KIAA0513: variants seen among roughly 807,000 people sequenced by gnomAD.
KIAA0513 encodes KIAA0513.
In KIAA0513, 39 loss-of-function variants were observed where a neutral mutation model predicts 56.5. The ratio of observed to expected loss-of-function variants is 0.69; its 90% CI spans 0.53 to 0.90. The LOEUF (loss-of-function observed/expected upper bound fraction) is 0.90, where lower values mean the gene tolerates loss of function less well. KIAA0513 is among the 40% of genes least tolerant of loss of function. The pLI is 0.00. For missense variants in KIAA0513, 591 were observed against 535.2 expected, an observed-to-expected ratio of 1.10 and a Z score of -1.03; for synonymous variants, 268 against 215.6, an observed-to-expected ratio of 1.24 and a Z score of -2.13.
intron 1 of KIAA0513, among the ~76,000 whole-genome samples, chr16:85,064,363 A>G (rs988295843): frequency 1.3e-5 from 2 of 152,122 alleles, no homozygotes; most frequent in Non-Finnish European, 2.9e-5. Flanking sequence ...CAGGATTATA[A>G]ATACTGTTGC....
Position 85,087,138 on chromosome 16 carries a change from G to A in KIAA0513, c.1158G>A (p.Lys386=). ...AGCTGTGCAATGACTTCCTGAAGAAGCAGGCTGTGATTGGCAACCTGGATG... is the reference window on the plus strand; with the variant it reads ...AGCTGTGCAATGACTTCCTGAAGAAACAGGCTGTGATTGGCAACCTGGATG... The part of the protein sequence containing the change: ...NKKLCNDFLK[K]QAVIGNLDEE... The change falls in exon 12 of 13, where the codon AAG becomes AAA. Residue 386 remains lysine (K), a synonymous_variant. Transcript: ENST00000683363. 22 of 1,614,190 alleles carry A rather than the reference G, an allele frequency of 1.4e-5. No individual in the cohort carries two copies. Among genetic ancestry groups the A allele is most frequent in the Non-Finnish European group, 1.9e-5 (22 of 1,180,018 alleles).
At chr16:85,050,611 CAGCCG>C (rs1342911382) in intron 1 of KIAA0513, among the ~76,000 whole-genome samples, 17 of 152,180 alleles carry the variant, frequency 1.1e-4, no homozygotes, top group Admixed American at 2.0e-4. Flanking sequence ...CCGCCGTGCC[CAGCCG>C]AGCTGTTGAT....
In KIAA0513 at chr16:85,087,122, A is replaced by G. The variant is rs1226444113; in HGVS notation, c.1142A>G (p.Asn381Ser). The G allele has an allele frequency of 6.2e-7, 1 of 1,614,176 alleles. No homozygotes were observed. The highest frequency in any genetic ancestry group is 1.3e-5 in the African/African-American group (1 of 75,052). The change falls in exon 12 of 13, where the codon AAT becomes AGT. Residue 381 changes from asparagine to serine, a missense_variant. Transcript: ENST00000683363. ...TTTGGACTGAACAAGAAGCTGTGCA[A>G]TGACTTCCTGAAGAAGCAGGCTGTG... ...LAFGLNKKLCNDFLKKQAVIG... is the reference protein window; with the variant it reads ...LAFGLNKKLCSDFLKKQAVIG...
chr16:85,071,932 C>G (rs750543099), intron 3 of KIAA0513, 50 bp downstream of exon 3: 35 of 1,230,622 alleles, frequency 2.8e-5, no homozygotes, highest in South Asian at 1.7e-4. Flanking sequence ...AAGGAAGAAT[C>G]TAGTGAAGCA....
intron 1 of KIAA0513, among the ~76,000 whole-genome samples, chr16:85,039,698 C>T (rs1030201959): frequency 5.5e-4 from 84 of 152,180 alleles, no homozygotes; most frequent in Non-Finnish European, 1.0e-3. Flanking sequence ...GTCTTGAACT[C>T]CTGACCTCAA....
chr16:85,072,149 T>G (rs1250229388), intron 3 of KIAA0513, among the ~76,000 whole-genome samples: 9 of 152,156 alleles, frequency 5.9e-5, no homozygotes, highest in African/African-American at 2.2e-4. Context: ...GCCCAGGAGC[T>G]TGAGACCAGC....
At chr16:85,070,987 G>C (rs2073564861) in intron 2 of KIAA0513, among the ~76,000 whole-genome samples, 1 of 152,238 alleles carries the variant, frequency 6.6e-6, no homozygotes, top group Admixed American at 6.5e-5. Context: ...TGCTGTTATT[G>C]AGAGTAAATA....
At chr16:85,063,733 C>A (rs2073438946) in intron 1 of KIAA0513, 1 of 152,124 alleles carries the variant, frequency 6.6e-6, no homozygotes, top group African/African-American at 2.4e-5. Context: ...CACCCTGATG[C>A]CAGCACCGCC....
chr16:85,064,358 T>C (rs569106269), intron 1 of KIAA0513, among the ~76,000 whole-genome samples: 5 of 152,320 alleles, frequency 3.3e-5, no homozygotes, highest in African/African-American at 4.8e-5. Flanking sequence ...TTAGTCAGGA[T>C]TATAAATACT....
At chr16:85,041,711 C>T (rs901165309) in intron 1 of KIAA0513, among the ~76,000 whole-genome samples, 1 of 152,238 alleles carries the variant, frequency 6.6e-6, no homozygotes, top group Middle Eastern at 3.4e-3. Flanking sequence ...AATTCCCGGA[C>T]TTGGCACTGA....
chr16:85,080,765 C>G (rs2073731779), intron 8 of KIAA0513, among the ~76,000 whole-genome samples: 3 of 152,156 alleles, frequency 2.0e-5, no homozygotes, highest in Non-Finnish European at 4.4e-5. Context: ...TGAACTCCAG[C>G]CTAGGCAACA....
chr16:85,065,898 T>A (rs1278613082), intron 1 of KIAA0513, among the ~76,000 whole-genome samples: 1 of 152,218 alleles, frequency 6.6e-6, no homozygotes, highest in Admixed American at 6.5e-5. Flanking sequence ...CTGTGACCTA[T>A]GTAGCCAGCT....
At chr16:85,039,103 C>A (rs1262715680) in intron 1 of KIAA0513, among the ~76,000 whole-genome samples, 1 of 152,204 alleles carries the variant, frequency 6.6e-6, no homozygotes, top group Non-Finnish European at 1.5e-5. Flanking sequence ...ACTGTAGATG[C>A]TCAATAATAC....
intron 10 of KIAA0513, among the ~76,000 whole-genome samples, chr16:85,086,240 T>G (rs1055434887): frequency 6.6e-6 from 1 of 152,198 alleles, no homozygotes; most frequent in African/African-American, 2.4e-5. Flanking sequence ...CCTGGGACGT[T>G]GGGCAGGTCC....
intron 11 of KIAA0513, 123 bp from the exon 12 acceptor site, chr16:85,086,949 C>G (rs72805499): frequency 2.1e-6 from 2 of 948,856 alleles, no homozygotes; most frequent in Admixed American, 2.2e-5. Flanking sequence ...GGCAGCAGTG[C>G]GTTTTAGTTT....
At position 85,077,513 on chromosome 16, in the gene KIAA0513, C is replaced by T. The variant is rs779228620; in HGVS notation, c.663C>T (p.Ala221=). The change falls in exon 6 of 13, where the codon GCC becomes GCT. Residue 221 remains alanine, a synonymous_variant. Coordinates refer to ENST00000683363, the MANE Select transcript of KIAA0513 (RefSeq NM_001388359.1). ...SYLKSANSWL[A]EKKDIAERLL... Reference sequence around the variant, plus strand: ...TGAAATCCGCAAACAGCTGGCTGGCCGAAAAGAAGGACATCGCCGAGCGGC... The same window carrying T: ...TGAAATCCGCAAACAGCTGGCTGGCTGAAAAGAAGGACATCGCCGAGCGGC... 13 of 1,614,182 alleles carry T rather than the reference C, an allele frequency of 8.1e-6. No homozygotes were observed. In the East Asian group the frequency reaches 8.9e-5, roughly 11 times the overall value.
In KIAA0513 at chr16:85,088,368, C is replaced by T. The variant is rs764178725; in HGVS notation, c.*43C>T. On this transcript the variant is annotated 3_prime_UTR_variant, in exon 13 of 13. Transcript: ENST00000683363. ...CCGCAGGAGGACTGAGGCCATGTGC[C>T]ATTCTCCCGGGCCCAGCGCCCGGCC... 1.9e-6 allele frequency: 3 copies of T among 1,577,686 alleles called. No homozygotes were observed. Among genetic ancestry groups the T allele is most frequent in the Non-Finnish European group, 2.6e-6 (3 of 1,156,212 alleles).
intron 1 of KIAA0513, chr16:85,063,151 G>C (rs1198062252): frequency 6.6e-6 from 1 of 152,272 alleles, no homozygotes; most frequent in Non-Finnish European, 1.5e-5. Context: ...CACGGAGGAA[G>C]GCGGCACCCA....
intron 1 of KIAA0513, among the ~76,000 whole-genome samples, chr16:85,060,262 T>C (rs2073384880): frequency 6.6e-6 from 1 of 152,092 alleles, no homozygotes; most frequent in East Asian, 1.9e-4. Flanking sequence ...TGCCCGGCTT[T>C]CTTAGGTTGA....
Sources: allele counts gnomAD v4.1 joint callset (sites outside exome capture counted in the v4.1 genomes callset), GRCh38; gene constraint gnomAD v4.1.1; transcripts MANE v1.5; gene names NCBI Gene and HGNC (gene_info 2026-07-23, HGNC 2026-07-21).